PCDHGB6: variants seen among roughly 807,000 people sequenced by gnomAD.
The protein encoded by PCDHGB6 is protocadherin gamma-B6.
Under a neutral mutation model 59.1 loss-of-function variants are expected in PCDHGB6, and 51 were observed. The observed-to-expected ratio is 0.86, with a 90% CI of 0.69 to 1.09. The LOEUF (loss-of-function observed/expected upper bound fraction) is 1.09. Among genes scored for constraint, PCDHGB6 ranks in the 50% least tolerant of loss-of-function variants. The pLI, the probability that PCDHGB6 is intolerant of heterozygous loss-of-function variation, is 0.00. For synonymous variants in PCDHGB6, 466 were observed against 495.1 expected (o/e 0.94, Z 0.78); for missense variants, 1,148 against 1,205.1 (o/e 0.95, Z 0.70).
chr5:141,456,087 C>T (rs1218579202), intron 1 of PCDHGB6, among the ~76,000 whole-genome samples: 1 of 151,886 alleles, frequency 6.6e-6, no homozygotes, highest in Non-Finnish European at 1.5e-5. Context: ...TCAGTAGAGA[C>T]GGGATTTCAC....
chr5:141,438,576 A>C (rs1016175176), intron 1 of PCDHGB6, among the ~76,000 whole-genome samples: 4 of 55,572 alleles, frequency 7.2e-5, no homozygotes, highest in Non-Finnish European at 1.2e-4. Context: ...TCTGATATAC[A>C]TACATACATA....
chr5:141,496,783 C>T (rs572860852), intron 2 of PCDHGB6, among the ~76,000 whole-genome samples: 1 of 152,162 alleles, frequency 6.6e-6, no homozygotes, highest in East Asian at 1.9e-4. Context: ...GAGCAGGGCC[C>T]TGTGCTAAAC....
At chr5:141,410,849 C>CTTTTTTGTTTTTTTTTTTTTTT (rs2095433183) in intron 1 of PCDHGB6, 1 of 129,786 alleles carries the variant, frequency 7.7e-6, no homozygotes, top group African/African-American at 6.0e-5. Flanking sequence ...TTGTCTTTGT[C>CTTTTTTGTTTTTTTTTTTTTTT]TTTTTTTTTT....
chr5:141,478,941 A>G (rs889484528), intron 1 of PCDHGB6: 2 of 589,470 alleles, frequency 3.4e-6, no homozygotes, highest in Non-Finnish European at 5.6e-6. Context: ...TTCTAGGAAT[A>G]CAAAAACTAC....
chr5:141,454,097 C>T (rs1021353610), intron 1 of PCDHGB6, among the ~76,000 whole-genome samples: 10 of 152,292 alleles, frequency 6.6e-5, no homozygotes, highest in Middle Eastern at 3.4e-3. Flanking sequence ...TTGAATTGAA[C>T]ATAAATGGAG....
At chr5:141,483,361 A>G (rs752805137) in intron 1 of PCDHGB6, among the ~76,000 whole-genome samples, 1 of 152,102 alleles carries the variant, frequency 6.6e-6, no homozygotes, top group South Asian at 2.1e-4. Context: ...TTTGAAAGCT[A>G]TTGCAATATT....
rs1182148013 is a variant in PCDHGB6 at position 141,431,510 on chromosome 5, G to A, written c.2418+20890G>A. 2 of 1,613,904 alleles carry A rather than the reference G, an allele frequency of 1.2e-6. No individual in the cohort carries two copies. Among genetic ancestry groups the A allele is most frequent in the Admixed American group, 1.7e-5 (1 of 60,016 alleles). Reference sequence around the variant, plus strand: ...TGCTCAGCCCGAGTACCGCGCGAGCGTTCCGGAGAATCTGGCCTTGGGCAC... The same window carrying A: ...TGCTCAGCCCGAGTACCGCGCGAGCATTCCGGAGAATCTGGCCTTGGGCAC... On this transcript the variant is annotated intron_variant, in intron 1 of 3. Coordinates refer to ENST00000520790, the MANE Select transcript of PCDHGB6 (RefSeq NM_018926.3). The surrounding 1 kb of genome is among the most constrained non-coding windows in gnomAD (Gnocchi z 4.8).
chr5:141,465,171 G>T (rs969390966), intron 1 of PCDHGB6, among the ~76,000 whole-genome samples: 1 of 151,728 alleles, frequency 6.6e-6, no homozygotes, highest in Non-Finnish European at 1.5e-5. Flanking sequence ...TGTTTATGAA[G>T]AAATTTAATT....
At chr5:141,436,849 T>C (rs1007573014) in intron 1 of PCDHGB6, among the ~76,000 whole-genome samples, 11 of 152,256 alleles carry the variant, frequency 7.2e-5, no homozygotes, top group African/African-American at 2.7e-4. Context: ...ACATTCTTGA[T>C]TGAGAAGCCA....
At chr5:141,412,509 A>G (rs1452202369) in intron 1 of PCDHGB6, 2 of 152,208 alleles carry the variant, frequency 1.3e-5, no homozygotes, top group Admixed American at 1.3e-4. Flanking sequence ...AATAAGTTTA[A>G]TGAATTAAGT....
intron 1 of PCDHGB6, chr5:141,422,211 C>G: frequency 6.4e-7 from 1 of 1,563,286 alleles, no homozygotes; most frequent in Non-Finnish European, 8.6e-7. Context: ...GTGGAGGTCT[C>G]TTTACCACCA....
Position 141,489,087 on chromosome 5 carries a change from T to TCAAA in PCDHGB6, c.2419-5720_2419-5719insCAAA. 4.6e-6 allele frequency: 1 copy of TCAAA among 216,106 alleles called. No individual in the cohort carries two copies. The highest frequency in any genetic ancestry group is 8.4e-6 in the Non-Finnish European group (1 of 118,736). The allele number at this position is 216,106 out of a possible 1,614,324, so 13.4% of individuals were successfully genotyped here. On this transcript the variant is annotated intron_variant, in intron 1 of 3. Coordinates refer to ENST00000520790, the MANE Select transcript of PCDHGB6 (RefSeq NM_018926.3). This position sits in a 1 kb window ranked among gnomAD's most constrained non-coding sequence, Gnocchi z 4.5. The stretch of plus-strand genomic sequence containing the variant: ...CCCCCTGCCCACCCCCGCCACTCGG[T>TCAAA]GACTAAGAACTGCTGCAAGCAGGCA...
In PCDHGB6 at chr5:141,432,220, C is replaced by A. The variant is rs949257429; in HGVS notation, c.2418+21600C>A. ...CCGACTGTGAAGAGAACGCCCAGAT[C>A]ACTTATTCCCTGGCTGAGAACACCA... On this transcript the variant is annotated intron_variant, in intron 1 of 3. Coordinates refer to ENST00000520790, the MANE Select transcript of PCDHGB6 (RefSeq NM_018926.3). This position sits in a 1 kb window ranked among gnomAD's most constrained non-coding sequence, Gnocchi z 6.0. The A allele has an allele frequency of 2.5e-6, 4 of 1,614,246 alleles. No homozygotes were observed. The highest frequency in any genetic ancestry group is 1.6e-4 in the Middle Eastern group (1 of 6,062).
intron 1 of PCDHGB6, among the ~76,000 whole-genome samples, chr5:141,451,788 A>C (rs531473040): frequency 6.6e-6 from 1 of 152,140 alleles, no homozygotes; most frequent in African/African-American, 2.4e-5. Flanking sequence ...GGCTGAGGCC[A>C]GAGAATTGCT....
intron 1 of PCDHGB6, chr5:141,418,485 A>T: frequency 6.2e-7 from 1 of 1,614,028 alleles, no homozygotes; most frequent in Non-Finnish European, 8.5e-7. Flanking sequence ...AGCGCTCACC[A>T]CTTGGTACTG....
At chr5:141,427,883 C>T (rs2097084423) in intron 1 of PCDHGB6, 2 of 1,563,700 alleles carry the variant, frequency 1.3e-6, no homozygotes, top group African/African-American at 1.3e-5. Context: ...TGCAGGCCCA[C>T]GACCAGGGCT....
rs201832666 is a variant in PCDHGB6, at chr5:141,410,561, G to T, written c.2359G>T (p.Ala787Ser). The change falls in exon 1 of 4, where the codon GCC becomes TCC. Residue 787 changes from alanine to serine, a missense_variant. Transcript: ENST00000520790. ...EDMVCSVSPG[A>S]LIPPHGGEDL... is the part of the protein sequence containing the mutation. ...CATGGTTTGCAGTGTTTCTCCTGGA[G>T]CCTTAATTCCACCTCATGGTGGGGA... 1.1e-4 allele frequency: 171 copies of T among 1,612,580 alleles called. No homozygotes were observed. The highest frequency in any genetic ancestry group is 2.7e-4 in the Admixed American group (16 of 60,006).
chr5:141,494,100 G>A (rs559145191), intron 1 of PCDHGB6, among the ~76,000 whole-genome samples: 7 of 152,270 alleles, frequency 4.6e-5, no homozygotes, highest in South Asian at 2.1e-4. Flanking sequence ...ATTTTTCTCC[G>A]TCTCAGACAG....
chr5:141,417,899 C>G lies in PCDHGB6; in HGVS notation c.2418+7279C>G, dbSNP rs781294504. On this transcript the variant is annotated intron_variant, in intron 1 of 3. Transcript: ENST00000520790. ...CGCGCAGAGGCGCCGGGCCGGCCCG[C>G]GGCAGGTACTATTTCCTTTGCTGCT... 2.0e-5 allele frequency: 31 copies of G among 1,581,354 alleles called. 2 individuals carry two copies. In the South Asian group the frequency reaches 3.4e-4, roughly 17 times the overall value.
Sources: allele counts gnomAD v4.1 joint callset (sites outside exome capture counted in the v4.1 genomes callset), GRCh38; gene constraint gnomAD v4.1.1; non-coding constraint Gnocchi (gnomAD v3.1); transcripts MANE v1.5; gene names NCBI Gene and HGNC (gene_info 2026-07-23, HGNC 2026-07-21).